TRPM3: variants seen among roughly 807,000 people sequenced by gnomAD.
The protein encoded by TRPM3 is transient receptor potential cation channel subfamily M member 3, also known as long transient receptor potential channel 3.
TRPM3 carries 77 observed loss-of-function variants against 181.2 expected under a neutral mutation model. That is an observed-to-expected ratio of 0.42 (90% CI 0.35 to 0.51). The LOEUF (loss-of-function observed/expected upper bound fraction) is 0.51. TRPM3 is among the 20% of genes least tolerant of loss of function. The pLI, the probability that TRPM3 is intolerant of heterozygous loss-of-function variation, is 0.01. For missense variants in TRPM3, 1,759 were observed against 2,196.7 expected (o/e 0.80, Z 3.98); for synonymous variants, 745 against 796.4 (o/e 0.94, Z 1.09).
intron 19 of TRPM3, among the ~76,000 whole-genome samples, chr9:70,606,651 G>GTGTGTGTATATATA (rs145779027): frequency 0.011 from 1,600 of 140,662 alleles, 38 homozygotes; most frequent in African/African-American, 0.038. Flanking sequence ...GTGTGTGTGT[G>GTGTGTGTATATATA]TATATATATA....
intron 7 of TRPM3, among the ~76,000 whole-genome samples, chr9:70,770,186 G>T (rs544093944): frequency 3.3e-5 from 5 of 152,312 alleles, no homozygotes; most frequent in Non-Finnish European, 4.4e-5. Flanking sequence ...TGGCAGGATT[G>T]CTTGAGGCCA....
intron 22 of TRPM3, among the ~76,000 whole-genome samples, chr9:70,566,221 GA>G (rs2050542190): frequency 6.6e-6 from 1 of 152,160 alleles, no homozygotes; most frequent in Admixed American, 6.5e-5. Flanking sequence ...TGTGATGCGG[GA>G]AGCCCACGGG....
intron 1 of TRPM3, among the ~76,000 whole-genome samples, chr9:71,309,492 C>T (rs1008011475): frequency 2.0e-5 from 3 of 152,032 alleles, no homozygotes; most frequent in African/African-American, 7.2e-5. Flanking sequence ...TGGAAGGATC[C>T]AGGGCATTAC....
intron 8 of TRPM3, among the ~76,000 whole-genome samples, chr9:70,741,503 A>G (rs2074082561): frequency 1.3e-5 from 2 of 152,346 alleles, no homozygotes; most frequent in South Asian, 4.1e-4. Context: ...ATTATACAAA[A>G]AAAGATACCT....
chr9:70,672,299 T>A (rs2063120875), intron 9 of TRPM3, among the ~76,000 whole-genome samples: 2 of 152,180 alleles, frequency 1.3e-5, no homozygotes, highest in African/African-American at 4.8e-5. Context: ...TCTGTTGCAG[T>A]TATCAGGAAA....
At position 70,863,007 on chromosome 9, in the gene TRPM3, C is replaced by T; in HGVS notation, c.363G>A (p.Gln121=). 6.2e-7 allele frequency: 1 copy of T among 1,613,658 alleles called. No individual in the cohort carries two copies. Among genetic ancestry groups the T allele is most frequent in the Non-Finnish European group, 8.5e-7 (1 of 1,179,726 alleles). Residue 121 remains glutamine, a synonymous_variant, in exon 3 of 26, where the codon CAG becomes CAA. Coordinates refer to ENST00000677713, the MANE Select transcript of TRPM3 (RefSeq NM_001366145.2). The part of the protein sequence containing the change: ...NESRLSRNDI[Q]SEKWSISKHT... ...GTTTGCTGATGGACCACTTTTCAGA[C>T]TGGATGTCATTTCGGGAGAGGCGAC... is the stretch of plus-strand genomic sequence containing the variant.
At chr9:70,836,752 C>A (rs963585971) in intron 5 of TRPM3, among the ~76,000 whole-genome samples, 1 of 152,146 alleles carries the variant, frequency 6.6e-6, no homozygotes, top group African/African-American at 2.4e-5. Context: ...TTTTCCTCAT[C>A]TGAATACTCT....
intron 1 of TRPM3, among the ~76,000 whole-genome samples, chr9:70,865,055 G>T (rs578087255): frequency 2.8e-4 from 42 of 148,366 alleles, no homozygotes; most frequent in Non-Finnish European, 5.9e-4. Context: ...TTGGGGGGGG[G>T]GAGGAAAATA....
intron 1 of TRPM3, among the ~76,000 whole-genome samples, chr9:71,087,776 A>T (rs2065522609): frequency 6.6e-6 from 1 of 152,122 alleles, no homozygotes; most frequent in Admixed American, 6.6e-5. Flanking sequence ...TCTACTGGGT[A>T]GAAAGACTAA....
intron 1 of TRPM3, among the ~76,000 whole-genome samples, chr9:71,288,927 TA>T (rs2085534217): frequency 1.3e-5 from 2 of 151,826 alleles, no homozygotes; most frequent in South Asian, 2.1e-4. Flanking sequence ...TAGGTGGAAA[TA>T]GGGGGGAAAA....
At chr9:70,681,015 A>G (rs2065284204) in intron 9 of TRPM3, among the ~76,000 whole-genome samples, 1 of 152,178 alleles carries the variant, frequency 6.6e-6, no homozygotes, top group Non-Finnish European at 1.5e-5. Flanking sequence ...ATGCTATATT[A>G]TAACAAGTAC....
At chr9:71,420,277 C>A (rs2093705393) in intron 1 of TRPM3, among the ~76,000 whole-genome samples, 1 of 151,878 alleles carries the variant, frequency 6.6e-6, no homozygotes, top group Non-Finnish European at 1.5e-5. Flanking sequence ...GGGGATGCTA[C>A]ATGGATTTTC....
intron 1 of TRPM3, among the ~76,000 whole-genome samples, chr9:70,930,154 C>T (rs897425992): frequency 4.6e-5 from 7 of 152,056 alleles, no homozygotes; most frequent in African/African-American, 2.4e-5. Context: ...AAGAGGTCCA[C>T]AGGAGACAGT....
intron 1 of TRPM3, among the ~76,000 whole-genome samples, chr9:71,422,320 A>T (rs1355814466): frequency 1.3e-5 from 2 of 152,084 alleles, no homozygotes; most frequent in Non-Finnish European, 2.9e-5. Context: ...AATGTGACAC[A>T]TTATCTATAC....
At chr9:70,971,847 A>G (rs967540596) in intron 1 of TRPM3, among the ~76,000 whole-genome samples, 1 of 152,194 alleles carries the variant, frequency 6.6e-6, no homozygotes, top group Non-Finnish European at 1.5e-5. Context: ...AATGCTCAAT[A>G]TCATTAGTCA....
chr9:70,997,645 G>A (rs1399548577), intron 1 of TRPM3, among the ~76,000 whole-genome samples: 5 of 152,088 alleles, frequency 3.3e-5, no homozygotes, highest in Non-Finnish European at 7.3e-5. Context: ...CCTAAGATGG[G>A]AGACTGGCAT....
At chr9:71,293,532 C>T (rs542180144) in intron 1 of TRPM3, among the ~76,000 whole-genome samples, 53 of 151,292 alleles carry the variant, frequency 3.5e-4, no homozygotes, top group African/African-American at 3.9e-4. Flanking sequence ...AAATCCTTTA[C>T]GTAGAAAGTT....
chr9:70,999,846 T>C (rs2097580525), intron 1 of TRPM3, among the ~76,000 whole-genome samples: 2 of 152,186 alleles, frequency 1.3e-5, no homozygotes, highest in Admixed American at 6.5e-5. Flanking sequence ...CCTACGGCTT[T>C]CAGGAGCATC....
intron 1 of TRPM3, among the ~76,000 whole-genome samples, chr9:71,392,407 C>A (rs940290801): frequency 2.0e-5 from 3 of 152,036 alleles, no homozygotes; most frequent in Admixed American, 6.6e-5. Context: ...GATGGCTGTC[C>A]ATTATCTGGA....
Sources: allele counts gnomAD v4.1 joint callset (sites outside exome capture counted in the v4.1 genomes callset), GRCh38; gene constraint gnomAD v4.1.1; transcripts MANE v1.5; gene names NCBI Gene and HGNC (gene_info 2026-07-23, HGNC 2026-07-21).